EOGT: variants seen among roughly 807,000 people sequenced by gnomAD.
EOGT encodes the protein EGF domain-specific O-linked N-acetylglucosamine transferase.
Under a neutral mutation model 70.5 loss-of-function variants are expected in EOGT, and 55 were observed. The observed-to-expected ratio is 0.78, with a 90% CI of 0.63 to 0.98. The LOEUF (loss-of-function observed/expected upper bound fraction) is 0.98. Ranked by LOEUF, EOGT falls within the 50% of genes least tolerant of loss-of-function variation. The probability of loss-of-function intolerance (pLI) is 0.00; values close to 1 mark genes in which losing one functional copy is unlikely to be tolerated. For missense variants in EOGT, 703 were observed against 641.9 expected, an observed-to-expected ratio of 1.10 and a Z score of -1.03; for synonymous variants, 246 against 217.1, an observed-to-expected ratio of 1.13 and a Z score of -1.17.
rs759878600 is a variant in EOGT, at chr3:69,008,447, T to C, written c.292A>G (p.Ser98Gly). The C allele has an allele frequency of 8.7e-6, 14 of 1,613,886 alleles. No individual in the cohort carries two copies. The African/African-American group carries it at 1.9e-4, about 22-fold the overall frequency. The change falls in exon 5 of 18, where the codon AGC becomes GGC. Residue 98 changes from serine (S) to glycine (G), a missense_variant. Coordinates refer to ENST00000383701, the MANE Select transcript of EOGT (RefSeq NM_001278689.2). ...PEFRFGYPVC[S>G]YVDMGWTDTL... ...ACTTACCATCCCATGTCGACATAGC[T>C]GCAAACTGGGTAACCAAACCTGAAC...
At chr3:68,997,846 C>T (rs2091192961) in intron 10 of EOGT, among the ~76,000 whole-genome samples, 165 bp downstream of exon 10, 1 of 152,216 alleles carries the variant, frequency 6.6e-6, no homozygotes, top group African/African-American at 2.4e-5. Context: ...CGTATATGCA[C>T]ATGTCAACAC....
intron 3 of EOGT, among the ~76,000 whole-genome samples, chr3:69,011,228 A>T: frequency 9.6e-6 from 1 of 104,412 alleles, no homozygotes; most frequent in Non-Finnish European, 1.8e-5. Flanking sequence ...CCACTGGATG[A>T]CAGAGTCTTA....
At chr3:68,991,951 A>G (rs2091006506) in intron 10 of EOGT, among the ~76,000 whole-genome samples, 1 of 152,192 alleles carries the variant, frequency 6.6e-6, no homozygotes, top group Non-Finnish European at 1.5e-5. Context: ...AGATCTCATG[A>G]GACTTATTCA....
Position 68,989,031 on chromosome 3 carries a change from C to T in EOGT, c.832-14G>A. On this transcript the variant is annotated splice_polypyrimidine_tract_variant and intron_variant, in intron 10 of 17. Coordinates refer to ENST00000383701, the MANE Select transcript of EOGT (RefSeq NM_001278689.2). ...TCCGTAAGAACTCTGAAAGTAGAAA[C>T]AAAACAAGGTTTTAGGGCAATAAAA... 6.8e-7 allele frequency: 1 copy of T among 1,461,422 alleles called. No individual in the cohort carries two copies. Among genetic ancestry groups the T allele is most frequent in the Non-Finnish European group, 9.2e-7 (1 of 1,087,636 alleles). The allele number at this position is 1,461,422 out of a possible 1,614,324, so 90.5% of individuals were successfully genotyped here. A position where few individuals can be genotyped will look rare whatever the true frequency, so the allele number is the denominator to read the frequency against.
Position 69,008,511 on chromosome 3 carries a change from T to C in EOGT, c.228A>G (p.Leu76=), listed in dbSNP as rs746462590. The change falls in exon 5 of 18, where the codon CTA becomes CTG. Residue 76 remains leucine (L), a synonymous_variant. Transcript: ENST00000383701. ...LCPYKKHLEK[L]KYCWGYEKSC... Reference sequence around the variant, plus strand: ...ATTTCTCATAACCCCAGCAGTACTTTAGCTTCTCTAGGTGTTTCTAGAACA... The same window carrying C: ...ATTTCTCATAACCCCAGCAGTACTTCAGCTTCTCTAGGTGTTTCTAGAACA... 6.8e-6 allele frequency: 11 copies of C among 1,613,692 alleles called. No individual in the cohort carries two copies. Among genetic ancestry groups the C allele is most frequent in the Non-Finnish European group, 8.5e-6 (10 of 1,179,700 alleles).
rs779732997 is a variant in EOGT, at chr3:68,979,709, G to C, written c.1293C>G (p.Thr431=). 6 of 1,613,764 alleles carry C rather than the reference G, an allele frequency of 3.7e-6. No individual in the cohort carries two copies. The highest frequency in any genetic ancestry group is 4.5e-5 in the East Asian group (2 of 44,846). The change falls in exon 16 of 18, where the codon ACC becomes ACG. Residue 431 remains threonine (T), a synonymous_variant. Transcript: ENST00000383701. Reference sequence around the variant, plus strand: ...CCCAGTCTGGAAGGAAAAGTAAATGGGTCAGACCAGCTCCATGCATTCCAA... The same window carrying C: ...CCCAGTCTGGAAGGAAAAGTAAATGCGTCAGACCAGCTCCATGCATTCCAA... ...IFIGMHGAGL[T]HLLFLPDWAA... is the part of the protein sequence containing the mutation.
chr3:68,978,020 G>C (rs1197246179), intron 17 of EOGT, among the ~76,000 whole-genome samples: 1 of 152,204 alleles, frequency 6.6e-6, no homozygotes, highest in East Asian at 1.9e-4. Flanking sequence ...GCATGACTGT[G>C]CTTTCTTTAC....
At chr3:68,980,836 C>A (rs1487054543) in intron 15 of EOGT, among the ~76,000 whole-genome samples, 1 of 152,226 alleles carries the variant, frequency 6.6e-6, no homozygotes. Flanking sequence ...ACTCACCAAT[C>A]CCCATGCCAA....
At chr3:68,997,661 G>C (rs1016855946) in intron 10 of EOGT, among the ~76,000 whole-genome samples, 1 of 152,042 alleles carries the variant, frequency 6.6e-6, no homozygotes, top group Non-Finnish European at 1.5e-5. Context: ...GAGCCACCAC[G>C]CCCTGCTGAA....
At chr3:68,989,044 T>C (rs1034759751) in intron 10 of EOGT, 27 bp from the exon 11 acceptor site, 1 of 1,339,192 alleles carries the variant, frequency 7.5e-7, no homozygotes, top group South Asian at 1.3e-5. Context: ...AACAAGGTTT[T>C]AGGGCAATAA....
intron 16 of EOGT, among the ~76,000 whole-genome samples, chr3:68,978,913 T>G (rs2090552095): frequency 6.6e-6 from 1 of 152,120 alleles, no homozygotes; most frequent in South Asian, 2.1e-4. Flanking sequence ...ATGACAGAGA[T>G]AGAATCCATT....
chr3:69,008,306 C>A, intron 5 of EOGT, 122 bp downstream of exon 5: 2 of 718,706 alleles, frequency 2.8e-6, no homozygotes, highest in African/African-American at 1.8e-5. Flanking sequence ...ACTGTGCAAG[C>A]AAATTAATAT....
intron 9 of EOGT, among the ~76,000 whole-genome samples, chr3:68,998,628 C>A (rs1448830263): frequency 6.6e-6 from 1 of 151,942 alleles, no homozygotes; most frequent in African/African-American, 2.4e-5. Flanking sequence ...CTGAGGCAGG[C>A]CAATCACTTG....
chr3:68,990,210 A>G (rs1192243246), intron 10 of EOGT, among the ~76,000 whole-genome samples: 1 of 152,176 alleles, frequency 6.6e-6, no homozygotes. Flanking sequence ...GGAAACTGAG[A>G]CACAATTTTA....
Position 69,007,507 on chromosome 3 carries a change from C to CG in EOGT, c.420+205dup, listed in dbSNP as rs373649414. ...CCTTTACTAAAAATATAAAAATTAG[C>CG]GGGGGGGGGTGGCACGCGCCTGTAA... On this transcript the variant is annotated intron_variant, in intron 6 of 17. Coordinates refer to ENST00000383701, the MANE Select transcript of EOGT (RefSeq NM_001278689.2). 0.042 allele frequency among the ~76,000 whole-genome samples: 1,032 copies of CG among 24,792 alleles called. 277 individuals carry two copies. The highest frequency in any genetic ancestry group is 0.11 in the Middle Eastern group (8 of 72). The allele number at this position is 24,792 out of a possible 152,430, so 16.3% of individuals were successfully genotyped here. A position where few individuals can be genotyped will look rare whatever the true frequency, so the allele number is the denominator to read the frequency against.
Position 68,996,351 on chromosome 3 carries a change from T to C in EOGT, c.831+1660A>G, listed in dbSNP as rs145993038. Among the ~76,000 whole-genome samples, 5 of 152,354 alleles carry C rather than the reference T, an allele frequency of 3.3e-5. 1 individual carries two copies. Among genetic ancestry groups the C allele is most frequent in the African/African-American group, 9.6e-5 (4 of 41,584 alleles). ...GGGTCGGCAAAACTGTCTCTCCTTC[T>C]GCATGAGAATTTGACCTCCTGTTAA... On this transcript the variant is annotated intron_variant, in intron 10 of 17. Transcript: ENST00000383701.
intron 14 of EOGT, among the ~76,000 whole-genome samples, chr3:68,983,877 C>T (rs1171271460): frequency 6.6e-6 from 1 of 152,190 alleles, no homozygotes; most frequent in Non-Finnish European, 1.5e-5. Context: ...AGAAGAGAAT[C>T]ACTTGAACCC....
intron 9 of EOGT, among the ~76,000 whole-genome samples, chr3:69,000,957 A>AT (rs765794230): frequency 2.0e-3 from 270 of 138,366 alleles, no homozygotes; most frequent in South Asian, 3.3e-3. Context: ...ATGGCTTTTG[A>AT]TTTTTTTTTT....
chr3:68,982,635 A>T (rs77797409), intron 15 of EOGT, 176 bp downstream of exon 15: 12 of 411,658 alleles, frequency 2.9e-5, no homozygotes, highest in Admixed American at 8.7e-5. Context: ...AAAGCCAAAG[A>T]GTAACTGCCC....
Sources: allele counts gnomAD v4.1 joint callset (sites outside exome capture counted in the v4.1 genomes callset), GRCh38; gene constraint gnomAD v4.1.1; transcripts MANE v1.5; gene names NCBI Gene and HGNC (gene_info 2026-07-23, HGNC 2026-07-21).